Variants in NPAS3 observed in about 807,000 individuals in gnomAD.
NPAS3 encodes neuronal PAS domain protein 3.
In NPAS3, 14 loss-of-function variants were observed where a neutral mutation model predicts 73.1. That is an observed-to-expected ratio of 0.19 (90% CI 0.13 to 0.30). NPAS3 has a LOEUF of 0.30. Among genes scored for constraint, NPAS3 ranks in the 10% least tolerant of loss-of-function variants. The pLI, the probability that NPAS3 is intolerant of heterozygous loss-of-function variation, is 1.00. For synonymous variants in NPAS3, 620 were observed against 541.5 expected (o/e 1.14, Z -2.01); for missense variants, 1,096 against 1,250.0 (o/e 0.88, Z 1.86).
chr14:33,568,600 T>C (rs1011181305), intron 5 of NPAS3, among the ~76,000 whole-genome samples: 5 of 152,184 alleles, frequency 3.3e-5, no homozygotes, highest in Non-Finnish European at 7.3e-5. Context: ...AACTTGACCT[T>C]CTGGGAAGGA....
chr14:33,313,832 G>A (rs528475755), intron 3 of NPAS3, among the ~76,000 whole-genome samples: 1 of 151,914 alleles, frequency 6.6e-6, no homozygotes, highest in Admixed American at 6.6e-5. Flanking sequence ...CTCTATAATC[G>A]TGACATATTT....
chr14:33,625,273 T>A (rs959364470), intron 5 of NPAS3, among the ~76,000 whole-genome samples: 2 of 152,224 alleles, frequency 1.3e-5, no homozygotes, highest in Non-Finnish European at 2.9e-5. Flanking sequence ...CCACAGCTTA[T>A]TTTAAATTCT....
At chr14:33,198,119 G>A (rs1007040529) in intron 2 of NPAS3, among the ~76,000 whole-genome samples, 4 of 152,140 alleles carry the variant, frequency 2.6e-5, no homozygotes, top group South Asian at 2.1e-4. Flanking sequence ...TGATCTCACT[G>A]GCCTCAGGAG....
intron 5 of NPAS3, among the ~76,000 whole-genome samples, chr14:33,667,277 A>G (rs1247086001): frequency 1.3e-5 from 2 of 152,180 alleles, no homozygotes; most frequent in East Asian, 3.9e-4. Flanking sequence ...TCTAGAGACT[A>G]TTCCTGGATA....
chr14:32,949,127 C>A (rs1019586573), intron 1 of NPAS3, among the ~76,000 whole-genome samples: 2 of 152,050 alleles, frequency 1.3e-5, no homozygotes, highest in Admixed American at 1.3e-4. Context: ...CATGCTACAG[C>A]CAATGCAATC....
At chr14:33,612,332 G>A in intron 5 of NPAS3, 1 of 450,604 alleles carries the variant, frequency 2.2e-6, no homozygotes, top group South Asian at 1.6e-5. Context: ...ATCCAGCTGA[G>A]CCCCTTCTTT....
chr14:32,940,306 G>GT (rs1446909225), intron 1 of NPAS3, among the ~76,000 whole-genome samples: 1 of 152,188 alleles, frequency 6.6e-6, no homozygotes, highest in Non-Finnish European at 1.5e-5. Flanking sequence ...CAAAATACCC[G>GT]TAACTGTTCT....
intron 4 of NPAS3, among the ~76,000 whole-genome samples, chr14:33,389,262 G>T (rs777698312): frequency 3.1e-4 from 47 of 152,130 alleles, no homozygotes; most frequent in Non-Finnish European, 1.2e-4. Flanking sequence ...TCATCATCGC[G>T]ACTGCTTTGT....
intron 2 of NPAS3, among the ~76,000 whole-genome samples, chr14:33,062,836 G>T (rs2041156672): frequency 6.6e-6 from 1 of 152,126 alleles, no homozygotes; most frequent in Non-Finnish European, 1.5e-5. Flanking sequence ...CTTAAACTGT[G>T]GTTTCAGTAA....
chr14:33,713,660 A>G (rs1453351565), intron 6 of NPAS3, among the ~76,000 whole-genome samples: 1 of 151,650 alleles, frequency 6.6e-6, no homozygotes, highest in African/African-American at 2.4e-5. Context: ...CCACCATCTC[A>G]CCCTGCACTG....
chr14:33,247,675 A>T (rs2048440190), intron 3 of NPAS3, among the ~76,000 whole-genome samples: 1 of 152,228 alleles, frequency 6.6e-6, no homozygotes, highest in African/African-American at 2.4e-5. Flanking sequence ...TCATATTCAG[A>T]TTGGAAATTA....
chr14:33,417,217 T>C (rs1594870283), intron 4 of NPAS3, among the ~76,000 whole-genome samples: 2 of 152,160 alleles, frequency 1.3e-5, no homozygotes, highest in South Asian at 2.1e-4. Context: ...AAATGCAAAT[T>C]CCTGGAAAAT....
chr14:32,987,113 G>A (rs2038132090), intron 1 of NPAS3, among the ~76,000 whole-genome samples: 1 of 152,022 alleles, frequency 6.6e-6, no homozygotes, highest in African/African-American at 2.4e-5. Context: ...ATAGAGCAGA[G>A]AGTATTTTTA....
rs2059756204 is a variant in NPAS3 at position 33,676,082 on chromosome 14, G to GAACCAGGATTGTTTC, written c.559-128_559-114dup. The GAACCAGGATTGTTTC allele has an allele frequency of 4.7e-5, 40 of 855,722 alleles. 1 individual carries two copies. The South Asian group carries it at 5.8e-4, about 12-fold the overall frequency. The allele number at this position is 855,722 out of a possible 1,614,324, so 53.0% of individuals were successfully genotyped here. ...TCTTAAGTATTTGAAGATGAAGACA[G>GAACCAGGATTGTTTC]AACCAGGATTGTTTCTGGGACCTGA... On this transcript the variant is annotated intron_variant, in intron 5 of 11. Transcript: ENST00000356141.
chr14:33,155,658 A>G (rs954708596), intron 2 of NPAS3, among the ~76,000 whole-genome samples: 2 of 152,310 alleles, frequency 1.3e-5, no homozygotes, highest in Non-Finnish European at 2.9e-5. Flanking sequence ...AAACACAGCT[A>G]TGGAAGAGGT....
downstream of NPAS3, chr14:33,802,392 G>GAAAAAA (rs1161378596): frequency 5.4e-5 from 5 of 92,194 alleles, no homozygotes; most frequent in South Asian, 4.4e-4. Flanking sequence ...AAAAAAAAAA[G>GAAAAAA]AAAAAAAAAA....
chr14:33,640,073 C>T (rs2058634356), intron 5 of NPAS3, among the ~76,000 whole-genome samples: 1 of 152,032 alleles, frequency 6.6e-6, no homozygotes, highest in Non-Finnish European at 1.5e-5. Context: ...AAAAATTAGC[C>T]AGGCATGGTG....
At chr14:33,399,467 A>G (rs1282689366) in intron 4 of NPAS3, among the ~76,000 whole-genome samples, 1 of 152,068 alleles carries the variant, frequency 6.6e-6, no homozygotes, top group African/African-American at 2.4e-5. Flanking sequence ...AAAGAGACAT[A>G]TGTTTCAAAC....
At chr14:33,253,646 C>T (rs1345747882) in intron 3 of NPAS3, among the ~76,000 whole-genome samples, 1 of 151,882 alleles carries the variant, frequency 6.6e-6, no homozygotes, top group Non-Finnish European at 1.5e-5. Flanking sequence ...GATGAGTCAC[C>T]CATTATGTTC....
Sources: gnomAD v4.1 joint callset for allele counts (sites outside exome capture counted in the v4.1 genomes callset) on GRCh38, gnomAD v4.1.1 for gene constraint, MANE v1.5 for transcripts, NCBI Gene and HGNC (gene_info 2026-07-23, HGNC 2026-07-21) for gene names.